MICU3: variants seen among roughly 807,000 people sequenced by gnomAD.
MICU3 encodes mitochondrial calcium uptake 3.
A neutral mutation model predicts 66.5 loss-of-function variants in MICU3; 62 were observed. The observed-to-expected ratio is 0.93, with a 90% CI of 0.76 to 1.15. MICU3 has a LOEUF of 1.15. MICU3 is among the 50% of genes most tolerant of loss of function. The probability of loss-of-function intolerance (pLI) is 0.00; values close to 1 mark genes in which losing one functional copy is unlikely to be tolerated. For synonymous variants in MICU3, 308 were observed against 240.7 expected (o/e 1.28, Z -2.59); for missense variants, 779 against 664.4 (o/e 1.17, Z -1.90).
At chr8:17,112,873 T>C in intron 11 of MICU3, among the ~76,000 whole-genome samples, 1 of 152,160 alleles carries the variant, frequency 6.6e-6, no homozygotes, top group Non-Finnish European at 1.5e-5. Flanking sequence ...GGCAACAAGC[T>C]CTCCACATCA....
chr8:17,136,130 T>C, the MICU3 span, among the ~76,000 whole-genome samples: 5 of 152,058 alleles, frequency 3.3e-5, no homozygotes, highest in African/African-American at 1.2e-4. Flanking sequence ...GTTCAGCTAG[T>C]ATCATCATCA....
rs757385684 is a variant in MICU3, at chr8:17,027,254, C to G, written c.-26C>G. 3 of 1,296,012 alleles carry G rather than the reference C, an allele frequency of 2.3e-6. No individual in the cohort carries two copies. Among genetic ancestry groups the G allele is most frequent in the Non-Finnish European group, 3.0e-6 (3 of 1,003,108 alleles). 80.3% of individuals were successfully genotyped at this position (1,296,012 alleles called of 1,614,324 possible). A position where few individuals can be genotyped will look rare whatever the true frequency, so the allele number is the denominator to read the frequency against. ...CGCCCCTCCGTTCTCTGCCCCCTCC[C>G]AGCTCTGGTGTGGGCGGCCTCCGCT... On this transcript the variant is annotated 5_prime_UTR_variant, in exon 1 of 15. Transcript: ENST00000318063.
At chr8:17,096,993 G>GTGTGTC (rs1290151670) in intron 8 of MICU3, among the ~76,000 whole-genome samples, 2 of 147,166 alleles carry the variant, frequency 1.4e-5, no homozygotes, top group African/African-American at 2.5e-5. Flanking sequence ...GTGTGTGTGT[G>GTGTGTC]TGTGATTGTG....
At chr8:17,044,070 G>C (rs1247228237) in intron 1 of MICU3, among the ~76,000 whole-genome samples, 1 of 151,954 alleles carries the variant, frequency 6.6e-6, no homozygotes, top group Non-Finnish European at 1.5e-5. Context: ...CTTGCCTTTT[G>C]CTAGCAAATG....
chr8:17,089,734 G>T (rs1338681142), intron 7 of MICU3, among the ~76,000 whole-genome samples: 1 of 151,826 alleles, frequency 6.6e-6, no homozygotes, highest in Non-Finnish European at 1.5e-5. Context: ...TAGGAGTAAT[G>T]ACCACATGTG....
intron 9 of MICU3, 42 bp downstream of exon 9, chr8:17,098,595 C>T (rs1479647242): frequency 8.9e-6 from 11 of 1,230,350 alleles, no homozygotes; most frequent in Non-Finnish European, 1.3e-5. Flanking sequence ...TATTTGCCAT[C>T]TTGTTAATCT....
intron 8 of MICU3, among the ~76,000 whole-genome samples, chr8:17,091,020 C>T (rs1320584563): frequency 6.6e-6 from 1 of 151,766 alleles, no homozygotes; most frequent in East Asian, 1.9e-4. Context: ...TTTTCATTTT[C>T]ACTTTTGCTC....
At chr8:17,105,689 G>A (rs756352085) in intron 11 of MICU3, 105 bp downstream of exon 11, 4 of 560,866 alleles carry the variant, frequency 7.1e-6, no homozygotes, top group Non-Finnish European at 1.2e-5. Context: ...TGGATTAAAA[G>A]ATATCTTGGA....
chr8:17,115,065 G>C (rs1243947495), intron 12 of MICU3, among the ~76,000 whole-genome samples: 41 of 148,830 alleles, frequency 2.8e-4, no homozygotes, highest in African/African-American at 9.4e-4. Context: ...CTTGCAGTGA[G>C]CCGAGATCCC....
chr8:17,123,492 G>C (rs1803317822), downstream of MICU3, among the ~76,000 whole-genome samples: 1 of 152,036 alleles, frequency 6.6e-6, no homozygotes, highest in Non-Finnish European at 1.5e-5. Context: ...AGAAGTGCAA[G>C]TTAAAATGAC....
At chr8:17,120,146 A>T (rs1803086351) in intron 14 of MICU3, 142 bp from the exon 15 acceptor site, 1 of 152,166 alleles carries the variant, frequency 6.6e-6, no homozygotes, top group South Asian at 2.1e-4. Context: ...TCAGCTTTTA[A>T]GTCTTTGTGT....
At chr8:17,052,052 T>C (rs1816187504) in intron 1 of MICU3, among the ~76,000 whole-genome samples, 1 of 152,200 alleles carries the variant, frequency 6.6e-6, no homozygotes, top group Non-Finnish European at 1.5e-5. Context: ...GTCTACATGC[T>C]GAACCACTAT....
the MICU3 span, among the ~76,000 whole-genome samples, chr8:17,137,705 CTT>C: frequency 2.5e-3 from 260 of 102,764 alleles, no homozygotes; most frequent in Middle Eastern, 8.1e-3. Context: ...TTTTCTTTTC[CTT>C]TTTTTTTTTT....
At chr8:17,113,197 G>A (rs1173916021) in intron 11 of MICU3, among the ~76,000 whole-genome samples, 2 of 152,106 alleles carry the variant, frequency 1.3e-5, no homozygotes, top group South Asian at 2.1e-4. Context: ...CTTCCAACAC[G>A]GCCTTGTTAG....
At chr8:17,109,208 T>C (rs999781509) in intron 11 of MICU3, among the ~76,000 whole-genome samples, 1 of 152,192 alleles carries the variant, frequency 6.6e-6, no homozygotes, top group Non-Finnish European at 1.5e-5. Context: ...ATTTGCTTAT[T>C]TCCTAACAAA....
At chr8:17,107,744 GAA>G (rs1801861538) in intron 11 of MICU3, among the ~76,000 whole-genome samples, 1 of 152,164 alleles carries the variant, frequency 6.6e-6, no homozygotes, top group South Asian at 2.1e-4. Flanking sequence ...GCCCTTTACA[GAA>G]AAAGTTTGTG....
chr8:17,039,886 T>C (rs1487159856), intron 1 of MICU3, among the ~76,000 whole-genome samples: 1 of 147,278 alleles, frequency 6.8e-6, no homozygotes, highest in Non-Finnish European at 1.5e-5. Flanking sequence ...GTATCCATCA[T>C]CTTGCATTCT....
chr8:17,033,049 G>A (rs992482847), intron 1 of MICU3, among the ~76,000 whole-genome samples: 12 of 151,924 alleles, frequency 7.9e-5, no homozygotes, highest in Non-Finnish European at 1.2e-4. Flanking sequence ...CCCTCTTCTC[G>A]GGCCTCCCTG....
intron 1 of MICU3, among the ~76,000 whole-genome samples, chr8:17,033,964 G>C (rs1011214409): frequency 6.6e-6 from 1 of 152,188 alleles, no homozygotes; most frequent in Non-Finnish European, 1.5e-5. Context: ...TTTCAATAGA[G>C]ATGAAACAGC....
Sources: gnomAD v4.1 joint callset for allele counts (sites outside exome capture counted in the v4.1 genomes callset) on GRCh38, gnomAD v4.1.1 for gene constraint, MANE v1.5 for transcripts, NCBI Gene and HGNC (gene_info 2026-07-23, HGNC 2026-07-21) for gene names.